The following SAMMSON variants were observed in gnomAD, a reference collection of about 807,000 sequenced individuals.
SAMMSON encodes the protein survival associated mitochondrial melanoma specific oncogenic non-coding RNA.
intron 7 of SAMMSON, among the ~76,000 whole-genome samples, chr3:70,348,940 C>A (rs760417659): frequency 1.3e-5 from 2 of 152,062 alleles, no homozygotes; most frequent in Non-Finnish European, 2.9e-5. Flanking sequence ...TTTTTTCAGG[C>A]CCTGTTACCC....
At chr3:70,221,617 G>C (rs1477165623) in intron 4 of SAMMSON, among the ~76,000 whole-genome samples, 1 of 152,118 alleles carries the variant, frequency 6.6e-6, no homozygotes, top group East Asian at 1.9e-4. Flanking sequence ...CTTCTGTGCT[G>C]TCTCTAACCT....
chr3:70,316,186 C>T (rs1702493108), intron 7 of SAMMSON, among the ~76,000 whole-genome samples: 1 of 152,112 alleles, frequency 6.6e-6, no homozygotes, highest in South Asian at 2.1e-4. Context: ...GATTATCACA[C>T]ATTTTATGTT....
intron 4 of SAMMSON, among the ~76,000 whole-genome samples, chr3:70,185,780 G>A (rs1701086954): frequency 7.2e-6 from 1 of 138,168 alleles, no homozygotes; most frequent in Non-Finnish European, 1.5e-5. Flanking sequence ...AGGGTTGCTT[G>A]AGCAGCATAG....
intron 4 of SAMMSON, chr3:70,125,511 T>G (rs1022140921): frequency 1.4e-6 from 1 of 711,510 alleles, no homozygotes; most frequent in East Asian, 2.7e-5. Context: ...ATGTTCAAAT[T>G]AGGTTTGGGA....
At chr3:70,234,607 T>C (rs1260608481) in intron 4 of SAMMSON, among the ~76,000 whole-genome samples, 1 of 150,430 alleles carries the variant, frequency 6.6e-6, no homozygotes, top group Non-Finnish European at 1.5e-5. Flanking sequence ...GCCACTGTAC[T>C]CCAGCCTGGG....
chr3:70,154,680 T>C (rs1321135623), intron 4 of SAMMSON, among the ~76,000 whole-genome samples: 2 of 152,090 alleles, frequency 1.3e-5, no homozygotes, highest in African/African-American at 2.4e-5. Flanking sequence ...AGTTTGACTT[T>C]GATTTAGTTA....
chr3:70,128,263 C>G (rs1451716779), intron 4 of SAMMSON, among the ~76,000 whole-genome samples: 1 of 152,120 alleles, frequency 6.6e-6, no homozygotes, highest in South Asian at 2.1e-4. Flanking sequence ...TCTCCCGAAC[C>G]AAAACTACCA....
chr3:70,433,715 A>C (rs1185911410), intron 2 of SAMMSON, among the ~76,000 whole-genome samples: 1 of 152,138 alleles, frequency 6.6e-6, no homozygotes, highest in African/African-American at 2.4e-5. Context: ...TGTATCTAAA[A>C]AAAATCAACA....
chr3:70,138,914 C>T (rs139825547), intron 4 of SAMMSON, among the ~76,000 whole-genome samples: 2 of 152,266 alleles, frequency 1.3e-5, no homozygotes, highest in Non-Finnish European at 2.9e-5. Context: ...CAGAGTCTCA[C>T]ACTGTCACCC....
intron 4 of SAMMSON, among the ~76,000 whole-genome samples, chr3:70,123,878 G>C (rs2067445003): frequency 6.6e-6 from 1 of 152,188 alleles, no homozygotes; most frequent in African/African-American, 2.4e-5. Flanking sequence ...ATCATTTTAA[G>C]GTATCAGAAT....
At chr3:70,183,880 G>A (rs1421825708) in intron 4 of SAMMSON, 1 of 152,218 alleles carries the variant, frequency 6.6e-6, no homozygotes, top group Non-Finnish European at 1.5e-5. Context: ...GAGAGAGCAA[G>A]TTGCACACCA....
intron 1 of SAMMSON, chr3:70,009,189 G>A (rs1264450238): frequency 7.9e-5 from 12 of 152,106 alleles, no homozygotes; most frequent in South Asian, 2.1e-4. Context: ...TTTTTCTATT[G>A]ATTGGAATAG....
At chr3:70,207,095 A>G (rs2106724915) in intron 4 of SAMMSON, among the ~76,000 whole-genome samples, 1 of 151,818 alleles carries the variant, frequency 6.6e-6, no homozygotes, top group Admixed American at 6.6e-5. Flanking sequence ...TTGGATCAAC[A>G]AAATCTCATA....
At chr3:70,262,558 G>A (rs761793271) in intron 6 of SAMMSON, among the ~76,000 whole-genome samples, 57 of 152,210 alleles carry the variant, frequency 3.7e-4, no homozygotes, top group Middle Eastern at 3.4e-3. Flanking sequence ...CATAATAAAG[G>A]AATTTTGAAG....
chr3:70,041,108 G>T (rs753069315), intron 3 of SAMMSON, among the ~76,000 whole-genome samples: 1 of 152,028 alleles, frequency 6.6e-6, no homozygotes, highest in Non-Finnish European at 1.5e-5. Context: ...TATTTGCATG[G>T]GGCTTCTTCT....
intron 2 of SAMMSON, among the ~76,000 whole-genome samples, chr3:70,419,624 A>G (rs1201239843): frequency 6.6e-6 from 1 of 152,014 alleles, no homozygotes; most frequent in Non-Finnish European, 1.5e-5. Flanking sequence ...CCCCACTACA[A>G]TTATGCTATC....
At chr3:70,120,932 C>T (rs1366982208) in intron 4 of SAMMSON, among the ~76,000 whole-genome samples, 2 of 152,166 alleles carry the variant, frequency 1.3e-5, no homozygotes, top group Non-Finnish European at 2.9e-5. Context: ...TCTATTATTA[C>T]ATCGTAATAC....
intron 3 of SAMMSON, among the ~76,000 whole-genome samples, chr3:70,024,405 C>T (rs183223712): frequency 1.1e-4 from 17 of 152,238 alleles, no homozygotes; most frequent in Admixed American, 2.0e-4. Flanking sequence ...TGATATTAGA[C>T]CAGCATTACC....
intron 4 of SAMMSON, among the ~76,000 whole-genome samples, chr3:70,176,277 C>A (rs1308676537): frequency 6.6e-6 from 1 of 152,146 alleles, no homozygotes; most frequent in Non-Finnish European, 1.5e-5. Flanking sequence ...TTTGGTAGAA[C>A]TGATTGCTCA....
Sources: allele counts gnomAD v4.1 joint callset (sites outside exome capture counted in the v4.1 genomes callset), GRCh38; gene constraint gnomAD v4.1.1; transcripts MANE v1.5; gene names NCBI Gene and HGNC (gene_info 2026-07-23, HGNC 2026-07-21).